The following COPG2 variants were observed in gnomAD, a reference collection of about 807,000 sequenced individuals.
COPG2 encodes the protein coatomer subunit gamma-2.
COPG2 carries 37 observed loss-of-function variants against 46.3 expected under a neutral mutation model. The observed-to-expected ratio is 0.80, with a 90% CI of 0.61 to 1.05. The LOEUF (loss-of-function observed/expected upper bound fraction) is 1.05, where lower values mean the gene tolerates loss of function less well. Ranked by LOEUF, COPG2 falls within the 50% of genes least tolerant of loss-of-function variation. COPG2 has a pLI of 0.00. For missense variants in COPG2, 427 were observed against 387.8 expected (o/e 1.10, Z -0.85); for synonymous variants, 159 against 129.7 (o/e 1.23, Z -1.53).
intron 9 of COPG2, chr7:130,607,673 TC>T: frequency 1.9e-6 from 1 of 519,158 alleles, no homozygotes; most frequent in Non-Finnish European, 3.9e-6. Context: ...AGTTTAAAAT[TC>T]ATTTTGAGAC....
At chr7:130,531,519 T>C (rs1015223210) in intron 20 of COPG2, among the ~76,000 whole-genome samples, 1 of 151,438 alleles carries the variant, frequency 6.6e-6, no homozygotes, top group Non-Finnish European at 1.5e-5. Flanking sequence ...ACAGAGTACC[T>C]GAGAGTCCTA....
intron 4 of COPG2, among the ~76,000 whole-genome samples, chr7:130,654,090 G>A (rs191493747): frequency 6.6e-6 from 1 of 152,214 alleles, no homozygotes; most frequent in East Asian, 1.9e-4. Context: ...CTTATCCAAT[G>A]AAAAATTAAA....
At chr7:130,607,005 C>A (rs1048088852) in intron 9 of COPG2, among the ~76,000 whole-genome samples, 1 of 152,090 alleles carries the variant, frequency 6.6e-6, no homozygotes, top group Non-Finnish European at 1.5e-5. Flanking sequence ...CTTTGGGAGG[C>A]TGAGGCAGAT....
At chr7:130,589,335 T>G (rs1390810660) in intron 9 of COPG2, among the ~76,000 whole-genome samples, 1 of 151,934 alleles carries the variant, frequency 6.6e-6, no homozygotes, top group Non-Finnish European at 1.5e-5. Flanking sequence ...TACAGTGCAG[T>G]AGCAATTTAC....
intron 20 of COPG2, among the ~76,000 whole-genome samples, chr7:130,533,183 T>C (rs1244211898): frequency 6.6e-6 from 1 of 151,916 alleles, no homozygotes; most frequent in Non-Finnish European, 1.5e-5. Context: ...AAGGGAGAAT[T>C]TGCATCAAAA....
At chr7:130,646,959 A>G (rs1795610369) in intron 5 of COPG2, among the ~76,000 whole-genome samples, 2 of 706 alleles carry the variant, frequency 2.8e-3, no homozygotes, top group African/African-American at 3.6e-3. Flanking sequence ...ATATATATGC[A>G]TATATATATG....
intron 20 of COPG2, among the ~76,000 whole-genome samples, chr7:130,513,595 GA>G (rs1799647445): frequency 6.6e-6 from 1 of 151,788 alleles, no homozygotes; most frequent in African/African-American, 2.4e-5. Context: ...TGCCATCTGG[GA>G]ATCTTTGCTT....
chr7:130,563,654 T>TGAGGCAGAAGCATGGCGTGAACCCAG (rs1793753079), intron 10 of COPG2, among the ~76,000 whole-genome samples: 2 of 148,470 alleles, frequency 1.3e-5, no homozygotes, highest in African/African-American at 5.0e-5. Context: ...CTCGGGAGGC[T>TGAGGCAGAAGCATGGCGTGAACCCAG]GAGGCAGAAG....
chr7:130,649,711 T>C (rs1344193813), intron 5 of COPG2, among the ~76,000 whole-genome samples: 12 of 152,358 alleles, frequency 7.9e-5, no homozygotes, highest in Admixed American at 7.2e-4. Context: ...AATAGAGTCA[T>C]TAACATCCAT....
intron 5 of COPG2, among the ~76,000 whole-genome samples, chr7:130,641,182 A>C (rs931186238): frequency 2.6e-5 from 4 of 151,080 alleles, no homozygotes; most frequent in Admixed American, 6.6e-5. Flanking sequence ...TCTCAAAAAA[A>C]AAAAAAAAAA....
rs1190741344 is a variant in COPG2 at position 130,507,942 on chromosome 7, A to G, written c.2248-119T>C. The G allele has an allele frequency of 2.4e-5, 16 of 668,794 alleles. No individual in the cohort carries two copies. In the East Asian group the frequency reaches 4.0e-4, roughly 17 times the overall value. The allele number at this position is 668,794 out of a possible 1,614,324, so 41.4% of individuals were successfully genotyped here. On this transcript the variant is annotated intron_variant, in intron 21 of 23. Transcript: ENST00000425248. ...AAAACTCTACCACCAAAATAGTTTAAGTTCTGTAGTCTGGATAAATCTAAT... is the reference window on the plus strand; with the variant it reads ...AAAACTCTACCACCAAAATAGTTTAGGTTCTGTAGTCTGGATAAATCTAAT...
At chr7:130,517,258 A>G (rs1226613494) in intron 20 of COPG2, among the ~76,000 whole-genome samples, 1 of 152,170 alleles carries the variant, frequency 6.6e-6, no homozygotes, top group Non-Finnish European at 1.5e-5. Context: ...TGAGTAAAGG[A>G]CCATCGTATA....
At chr7:130,528,021 GA>G (rs1192279378) in intron 20 of COPG2, among the ~76,000 whole-genome samples, 4 of 152,134 alleles carry the variant, frequency 2.6e-5, no homozygotes, top group Non-Finnish European at 5.9e-5. Context: ...GCGCAAAGGG[GA>G]ATGGAGACAG....
At chr7:130,602,481 T>A (rs529286935) in intron 9 of COPG2, among the ~76,000 whole-genome samples, 1 of 152,156 alleles carries the variant, frequency 6.6e-6, no homozygotes, top group Admixed American at 6.5e-5. Context: ...TTCCTTTTTT[T>A]ACTTTTTTTG....
intron 20 of COPG2, among the ~76,000 whole-genome samples, chr7:130,544,002 A>C (rs1321507541): frequency 6.6e-6 from 1 of 152,198 alleles, no homozygotes; most frequent in Non-Finnish European, 1.5e-5. Flanking sequence ...AATGGGTTAG[A>C]CTGCAGGAAT....
At chr7:130,559,737 C>T (rs890523619) in intron 12 of COPG2, among the ~76,000 whole-genome samples, 1 of 152,096 alleles carries the variant, frequency 6.6e-6, no homozygotes, top group Non-Finnish European at 1.5e-5. Context: ...CCTACAAATG[C>T]AATTTGAAAA....
rs1554440439 is a variant in COPG2, at chr7:130,507,811, C to T, written c.2260G>A (p.Glu754Lys). The change falls in exon 22 of 24, where the codon GAA becomes AAA. Residue 754 changes from glutamate (E) to lysine (K), a missense_variant. Glu to Lys is a moderately conservative substitution (Grantham distance 56). Coordinates refer to ENST00000425248, the MANE Select transcript of COPG2 (RefSeq NM_012133.6). ...TGAATATGGTCAGACACAGTCACTTCGAGATCTTCCAGCTAGTGGGTAATA... is the reference window on the plus strand; with the variant it reads ...TGAATATGGTCAGACACAGTCACTTTGAGATCTTCCAGCTAGTGGGTAATA... ...YDDEYVLEDL[E>K]VTVSDHIQKV... is the part of the protein sequence containing the mutation. 6 of 780,226 alleles carry T rather than the reference C, an allele frequency of 7.7e-6. No individual in the cohort carries two copies. The highest frequency in any genetic ancestry group is 1.7e-5 in the Admixed American group (1 of 58,988). The allele number at this position is 780,226 out of a possible 1,614,324, so 48.3% of individuals were successfully genotyped here. A position where few individuals can be genotyped will look rare whatever the true frequency, so the allele number is the denominator to read the frequency against.
At chr7:130,587,086 C>T (rs1228581656) in intron 9 of COPG2, among the ~76,000 whole-genome samples, 2 of 151,854 alleles carry the variant, frequency 1.3e-5, no homozygotes, top group Non-Finnish European at 2.9e-5. Context: ...GCAGGCAGAT[C>T]GCCTGAGGTC....
At position 130,660,345 on chromosome 7, in the gene COPG2, A is replaced by C. The variant is rs542744549; in HGVS notation, c.243+2622T>G. On this transcript the variant is annotated intron_variant, in intron 4 of 23. Transcript: ENST00000425248. ...CTAATCAGCGCCATTATATTCTCTG[A>C]CACTTTCATCAGCAAAATCCCCTAT... 2.0e-5 allele frequency among the ~76,000 whole-genome samples: 3 copies of C among 152,240 alleles called. No homozygotes were observed. The East Asian group carries it at 5.8e-4, about 29-fold the overall frequency.
Sources: gnomAD v4.1 joint callset for allele counts (sites outside exome capture counted in the v4.1 genomes callset) on GRCh38, gnomAD v4.1.1 for gene constraint, MANE v1.5 for transcripts, NCBI Gene and HGNC (gene_info 2026-07-23, HGNC 2026-07-21) for gene names.